The following EP400 variants were observed in gnomAD, a reference collection of about 807,000 sequenced individuals.
EP400 encodes E1A-binding protein p400.
EP400 carries 105 observed loss-of-function variants against 354.1 expected under a neutral mutation model. The observed-to-expected ratio is 0.30, with a 90% confidence interval of 0.25 to 0.35. EP400 has a LOEUF of 0.35. Among genes scored for constraint, EP400 ranks in the 10% least tolerant of loss-of-function variants. The pLI, the probability that EP400 is intolerant of heterozygous loss-of-function variation, is 1.00. For missense variants in EP400, 3,280 were observed against 4,121.0 expected (o/e 0.80, Z 5.59); for synonymous variants, 1,646 against 1,716.9 (o/e 0.96, Z 1.02).
In EP400 at chr12:132,074,036, C is replaced by T. The variant is rs553418494; in HGVS notation, c.9022-2480C>T. On this transcript the variant is annotated intron_variant, in intron 51 of 52. Transcript: ENST00000389561. ...GTCTCCCACATTCAAGAGATTCTCC[C>T]GCCTCAGCCTCCCGAGTAGCTGGGA... 7.5e-5 allele frequency among the ~76,000 whole-genome samples: 11 copies of T among 147,342 alleles called. No homozygotes were observed. The South Asian group carries it at 1.7e-3, about 23-fold the overall frequency.
intron 12 of EP400, among the ~76,000 whole-genome samples, chr12:131,996,352 C>T (rs934903916): frequency 2.8e-5 from 4 of 144,314 alleles, no homozygotes; most frequent in Non-Finnish European, 5.9e-5. Context: ...AGTGCAGTGG[C>T]GTGATCTCGG....
chr12:132,039,649 C>A (rs1171686813), intron 32 of EP400, among the ~76,000 whole-genome samples: 2 of 152,140 alleles, frequency 1.3e-5, no homozygotes, highest in African/African-American at 2.4e-5. Flanking sequence ...CACAGAAATA[C>A]CTTACAGATT....
intron 1 of EP400, among the ~76,000 whole-genome samples, chr12:131,953,407 A>G (rs1295516957): frequency 6.6e-6 from 1 of 152,232 alleles, no homozygotes; most frequent in Non-Finnish European, 1.5e-5. Flanking sequence ...GCTTTGGTTC[A>G]TAAGGTTAAG....
At chr12:132,010,834 C>T (rs1466290950) in intron 15 of EP400, among the ~76,000 whole-genome samples, 7 of 152,268 alleles carry the variant, frequency 4.6e-5, no homozygotes, top group African/African-American at 1.2e-4. Flanking sequence ...CCCAGCTACA[C>T]AGGAGGCTGA....
At chr12:132,016,729 A>G (rs900131770) in intron 19 of EP400, among the ~76,000 whole-genome samples, 3 of 152,074 alleles carry the variant, frequency 2.0e-5, no homozygotes, top group Non-Finnish European at 4.4e-5. Context: ...CCTGCACTTG[A>G]GCTGACCCTT....
intron 2 of EP400, among the ~76,000 whole-genome samples, chr12:131,976,383 A>G (rs957391915): frequency 2.6e-5 from 4 of 152,256 alleles, no homozygotes; most frequent in African/African-American, 9.6e-5. Flanking sequence ...TCTGAAACGT[A>G]TTTATTTTCT....
At chr12:131,982,821 T>C (rs1222257075) in intron 5 of EP400, among the ~76,000 whole-genome samples, 1 of 151,872 alleles carries the variant, frequency 6.6e-6, no homozygotes, top group African/African-American at 2.4e-5. Flanking sequence ...AATACAAAAA[T>C]TAGCCAGGCG....
At chr12:131,952,532 A>G (rs1891547226) in intron 1 of EP400, among the ~76,000 whole-genome samples, 1 of 151,984 alleles carries the variant, frequency 6.6e-6, no homozygotes, top group Non-Finnish European at 1.5e-5. Context: ...GCATGATCAT[A>G]GCTTTACTGC....
intron 14 of EP400, 72 bp downstream of exon 14, chr12:132,006,374 G>C: frequency 6.6e-7 from 1 of 1,513,512 alleles, no homozygotes; most frequent in Non-Finnish European, 8.9e-7. Flanking sequence ...CATGAGAAAA[G>C]CTTTTCCTCT....
chr12:132,036,401 C>T (rs60753878), intron 30 of EP400, among the ~76,000 whole-genome samples: 23,030 of 148,550 alleles, frequency 0.16, 2,516 homozygotes, highest in African/African-American at 0.32. Flanking sequence ...CACGGAGCAT[C>T]GTGGAACAAC....
In EP400 at chr12:132,028,142, A is replaced by G; in HGVS notation, c.5235A>G (p.Gly1745=). 1 of 1,614,132 alleles carries G rather than the reference A, an allele frequency of 6.2e-7. No homozygotes were observed. The highest frequency in any genetic ancestry group is 1.1e-5 in the South Asian group (1 of 91,078). ...LLRICALPSH[G]RVQWRGSLDG... ...GGATTTGTGCCCTGCCTAGCCATGGAAGGGTACAGTGGCGTGGGTCCCTGG... is the reference window on the plus strand; with the variant it reads ...GGATTTGTGCCCTGCCTAGCCATGGGAGGGTACAGTGGCGTGGGTCCCTGG... The change falls in exon 27 of 53, where the codon GGA becomes GGG. Residue 1745 remains glycine, a synonymous_variant. Coordinates refer to ENST00000389561, the MANE Select transcript of EP400 (RefSeq NM_015409.5).
At chr12:132,069,456 C>G in intron 50 of EP400, 39 bp from the exon 51 acceptor site, 1 of 1,604,378 alleles carries the variant, frequency 6.2e-7, no homozygotes, top group Non-Finnish European at 8.5e-7. Flanking sequence ...TTGAGCGCGG[C>G]ATGGTCTCTG....
intron 22 of EP400, among the ~76,000 whole-genome samples, chr12:132,020,430 T>G (rs1421103399): frequency 6.6e-6 from 1 of 152,230 alleles, no homozygotes; most frequent in Non-Finnish European, 1.5e-5. Flanking sequence ...TTGAAGAAGC[T>G]TCACTCCTAG....
chr12:131,957,019 G>A (rs1312736086), intron 1 of EP400, among the ~76,000 whole-genome samples: 1 of 151,598 alleles, frequency 6.6e-6, no homozygotes, highest in Admixed American at 6.6e-5. Context: ...TTACAGGCAT[G>A]TGCCACCACG....
At chr12:132,015,226 CT>C (rs1893890243) in intron 19 of EP400, among the ~76,000 whole-genome samples, 1 of 152,234 alleles carries the variant, frequency 6.6e-6, no homozygotes, top group South Asian at 2.1e-4. Flanking sequence ...TACAACCGTC[CT>C]TTCTCCAAGA....
At chr12:131,996,952 G>A (rs760988797) in intron 12 of EP400, among the ~76,000 whole-genome samples, 2 of 152,108 alleles carry the variant, frequency 1.3e-5, no homozygotes, top group Non-Finnish European at 2.9e-5. Context: ...GATGAAAGGC[G>A]TTCTTAATTT....
Position 132,029,628 on chromosome 12 carries a change from CT to C in EP400, c.5382-70del, listed in dbSNP as rs1437434740. ...TTGGACTGTCAGAAGTCTGCCCCAT[CT>C]TTCAGGAGCCCCCATGCTGGGTGAA... On this transcript the variant is annotated intron_variant, in intron 27 of 52. Transcript: ENST00000389561. This position sits in a 1 kb window ranked among gnomAD's most constrained non-coding sequence, Gnocchi z 4.7. 7 of 1,520,886 alleles carry C rather than the reference CT, an allele frequency of 4.6e-6. No homozygotes were observed. The highest frequency in any genetic ancestry group is 6.3e-6 in the Non-Finnish European group (7 of 1,110,052). The allele number at this position is 1,520,886 out of a possible 1,614,324, so 94.2% of individuals were successfully genotyped here. A position where few individuals can be genotyped will look rare whatever the true frequency, so the allele number is the denominator to read the frequency against.
intron 12 of EP400, 55 bp downstream of exon 12, chr12:131,995,011 CAT>C (rs562525444): frequency 5.8e-4 from 867 of 1,500,344 alleles, no homozygotes; most frequent in Non-Finnish European, 7.7e-4. Flanking sequence ...ACATTTAAAA[CAT>C]GTGAGATGTG....
At chr12:132,057,294 A>G (rs1028941480) in intron 45 of EP400, among the ~76,000 whole-genome samples, 2 of 152,252 alleles carry the variant, frequency 1.3e-5, no homozygotes, top group African/African-American at 4.8e-5. Flanking sequence ...CTGATAAACC[A>G]TGGTACATTC....
Sources: gnomAD v4.1 joint callset for allele counts (sites outside exome capture counted in the v4.1 genomes callset) on GRCh38, gnomAD v4.1.1 for gene constraint, Gnocchi (gnomAD v3.1) non-coding constraint, MANE v1.5 for transcripts, NCBI Gene and HGNC (gene_info 2026-07-23, HGNC 2026-07-21) for gene names.